Variants in PSMB7 observed in about 807,000 individuals in gnomAD.
PSMB7 encodes proteasome subunit beta type-7.
In PSMB7, 5 loss-of-function variants were observed where a neutral mutation model predicts 28.1. The observed-to-expected ratio is 0.18, with a 90% CI of 0.09 to 0.37. The LOEUF is 0.37. Among genes scored for constraint, PSMB7 ranks in the 10% least tolerant of loss-of-function variants. The probability of loss-of-function intolerance (pLI) is 1.00; values close to 1 mark genes in which losing one functional copy is unlikely to be tolerated. For missense variants in PSMB7, 275 were observed against 346.2 expected, an observed-to-expected ratio of 0.79 and a Z score of 1.63; for synonymous variants, 122 against 123.7, an observed-to-expected ratio of 0.99 and a Z score of 0.09.
intron 5 of PSMB7, among the ~76,000 whole-genome samples, chr9:124,390,086 G>A (rs969588019): frequency 8.5e-5 from 13 of 152,176 alleles, no homozygotes; most frequent in African/African-American, 2.4e-4. Context: ...AAAGGTAGAG[G>A]CCTATATACA....
chr9:124,377,754 G>A (rs2131156012), intron 6 of PSMB7, among the ~76,000 whole-genome samples: 1 of 152,342 alleles, frequency 6.6e-6, no homozygotes, highest in African/African-American at 2.4e-5. Context: ...AAATCAGACG[G>A]CTGAAGTGGC....
rs1448866582 is a variant in PSMB7, at chr9:124,353,580, G to C, written c.*18C>G. The C allele has an allele frequency of 6.4e-7, 1 of 1,568,488 alleles. No homozygotes were observed. Among genetic ancestry groups the C allele is most frequent in the Non-Finnish European group, 8.8e-7 (1 of 1,139,410 alleles). Reference sequence around the variant, plus strand: ...TCACCACCTTCCAGAACCGCGGCCAGCCACCCACTGATGCCATTCAGGAAG... The same window carrying C: ...TCACCACCTTCCAGAACCGCGGCCACCCACCCACTGATGCCATTCAGGAAG... On this transcript the variant is annotated 3_prime_UTR_variant, in exon 8 of 8. Coordinates refer to ENST00000259457, the MANE Select transcript of PSMB7 (RefSeq NM_002799.4).
chr9:124,374,663 A>C (rs1394488143), intron 6 of PSMB7, among the ~76,000 whole-genome samples: 1 of 152,086 alleles, frequency 6.6e-6, no homozygotes, highest in African/African-American at 2.4e-5. Flanking sequence ...CTTATCTAAA[A>C]ATTTTTTTTT....
intron 6 of PSMB7, among the ~76,000 whole-genome samples, chr9:124,363,384 A>T (rs1322310760): frequency 7.4e-6 from 1 of 135,488 alleles, no homozygotes; most frequent in Non-Finnish European, 1.8e-5. Flanking sequence ...GAAAGAGCTC[A>T]AAAAAGTGTT....
chr9:124,398,819 AT>A (rs1830868314), intron 5 of PSMB7, among the ~76,000 whole-genome samples: 1 of 152,190 alleles, frequency 6.6e-6, no homozygotes, highest in Non-Finnish European at 1.5e-5. Flanking sequence ...TTTGTCACTT[AT>A]GGGGCTGAGT....
intron 5 of PSMB7, among the ~76,000 whole-genome samples, chr9:124,399,009 CAA>C (rs34386702): frequency 4.3e-3 from 553 of 129,222 alleles, no homozygotes; most frequent in African/African-American, 0.01. Context: ...AAGCTTTAAC[CAA>C]AAAAAAAAAA....
intron 6 of PSMB7, among the ~76,000 whole-genome samples, chr9:124,368,995 G>A (rs1335957375): frequency 1.3e-5 from 2 of 152,190 alleles, no homozygotes; most frequent in African/African-American, 4.8e-5. Context: ...TGAGTTAAAA[G>A]CCAGTGTATT....
chr9:124,396,992 C>A, intron 5 of PSMB7: 1 of 335,076 alleles, frequency 3.0e-6, no homozygotes, highest in Non-Finnish European at 6.1e-6. Context: ...GAATCGATCA[C>A]CAGTAGCCTC....
At chr9:124,389,250 T>G (rs575391663) in intron 5 of PSMB7, among the ~76,000 whole-genome samples, 1 of 152,296 alleles carries the variant, frequency 6.6e-6, no homozygotes, top group Non-Finnish European at 1.5e-5. Context: ...CACTGTGATA[T>G]CACAGGAGTG....
chr9:124,356,964 G>C lies in PSMB7; in HGVS notation c.571-49C>G. The C allele has an allele frequency of 9.3e-6, 15 of 1,607,790 alleles. No homozygotes were observed. Among genetic ancestry groups the C allele is most frequent in the Non-Finnish European group, 1.3e-5 (15 of 1,175,694 alleles). On this transcript the variant is annotated intron_variant, in intron 6 of 7. Coordinates refer to ENST00000259457, the MANE Select transcript of PSMB7 (RefSeq NM_002799.4). The surrounding 1 kb of genome is among the most constrained non-coding windows in gnomAD (Gnocchi z 4.4). ...AATGTCCCCGGCCAAACTAGGGCCT[G>C]CTCTGACATCCGCAATGTACGTCCA...
intron 5 of PSMB7, among the ~76,000 whole-genome samples, chr9:124,387,119 G>A (rs7034392): frequency 2.0e-5 from 3 of 152,060 alleles, no homozygotes; most frequent in South Asian, 2.1e-4. Flanking sequence ...GGTGGTGGGC[G>A]CCTGTAGTCC....
intron 4 of PSMB7, among the ~76,000 whole-genome samples, chr9:124,410,001 G>A (rs977236739): frequency 2.4e-5 from 3 of 127,332 alleles, no homozygotes; most frequent in African/African-American, 6.0e-5. Context: ...TGAAAAAAGA[G>A]AATTTAGAAT....
chr9:124,367,667 A>T (rs1292515847), intron 6 of PSMB7, among the ~76,000 whole-genome samples: 1 of 152,216 alleles, frequency 6.6e-6, no homozygotes, highest in Non-Finnish European at 1.5e-5. Context: ...GTGTGACCTC[A>T]GTGATAAAAG....
chr9:124,382,326 G>C (rs902506731), intron 6 of PSMB7, among the ~76,000 whole-genome samples: 2 of 114,786 alleles, frequency 1.7e-5, no homozygotes, highest in African/African-American at 3.3e-5. Context: ...TCCTTCCTCA[G>C]CCTCCCGAGT....
intron 4 of PSMB7, among the ~76,000 whole-genome samples, chr9:124,407,318 T>A (rs1830976249): frequency 6.6e-6 from 1 of 152,250 alleles, no homozygotes; most frequent in South Asian, 2.1e-4. Context: ...GTTATTTCAT[T>A]TGTAAGTAAA....
chr9:124,393,148 G>A (rs1280174456), intron 5 of PSMB7, among the ~76,000 whole-genome samples: 1 of 152,194 alleles, frequency 6.6e-6, no homozygotes, highest in African/African-American at 2.4e-5. Context: ...AGAGCTGATT[G>A]ATGAATATAA....
chr9:124,354,040 T>C (rs1452192446), intron 7 of PSMB7, among the ~76,000 whole-genome samples: 1 of 152,116 alleles, frequency 6.6e-6, no homozygotes, highest in Non-Finnish European at 1.5e-5. Flanking sequence ...CCTACAATAC[T>C]GTTCAGGGAC....
chr9:124,403,864 T>G (rs977008826), intron 5 of PSMB7, among the ~76,000 whole-genome samples: 4 of 151,680 alleles, frequency 2.6e-5, no homozygotes, highest in Non-Finnish European at 5.9e-5. Flanking sequence ...AATCTCACCT[T>G]CTTCATAAGA....
In PSMB7 at chr9:124,353,641, A is replaced by C; in HGVS notation, c.791T>G (p.Ile264Ser). The C allele has an allele frequency of 6.2e-7, 1 of 1,614,066 alleles. No individual in the cohort carries two copies. The highest frequency in any genetic ancestry group is 2.2e-5 in the East Asian group (1 of 44,888). Reference protein sequence around the residue: ...VLTEKITPLEIEVLEETVQTM... With the variant: ...VLTEKITPLESEVLEETVQTM... ...TTGGACTGTTTCTTCCAGCACCTCAATCTCCAGAGGAGTGATTTTCTCAGT... is the reference window on the plus strand; with the variant it reads ...TTGGACTGTTTCTTCCAGCACCTCACTCTCCAGAGGAGTGATTTTCTCAGT... The change falls in exon 8 of 8, where the codon ATT becomes AGT. Residue 264 changes from isoleucine (I) to serine (S), a missense_variant. Ile to Ser is a moderately radical substitution (Grantham distance 142). Around this residue, in one of 2 missense-constraint regions of PSMB7, gnomAD observed 213 missense variants for 302.4 expected, o/e 0.70. Coordinates refer to ENST00000259457, the MANE Select transcript of PSMB7 (RefSeq NM_002799.4).
Sources: gnomAD v4.1 joint callset for allele counts (sites outside exome capture counted in the v4.1 genomes callset) on GRCh38, gnomAD v4.1.1 for gene constraint, gnomAD v4.1.1 regional missense constraint, Gnocchi (gnomAD v3.1) non-coding constraint, MANE v1.5 for transcripts, NCBI Gene and HGNC (gene_info 2026-07-23, HGNC 2026-07-21) for gene names.